FBXL13: variants seen among roughly 807,000 people sequenced by gnomAD.
FBXL13 encodes F-box and leucine-rich repeat protein 13.
A neutral mutation model predicts 83.6 loss-of-function variants in FBXL13; 67 were observed. That is an observed-to-expected ratio of 0.80 (90% CI 0.66 to 0.98). The LOEUF (loss-of-function observed/expected upper bound fraction) is 0.98, where lower values mean the gene tolerates loss of function less well. FBXL13 is among the 50% of genes least tolerant of loss of function. The pLI, the probability that FBXL13 is intolerant of heterozygous loss-of-function variation, is 0.00. For synonymous variants in FBXL13, 272 were observed against 299.5 expected (o/e 0.91, Z 0.95); for missense variants, 822 against 866.5 (o/e 0.95, Z 0.64).
rs200274905 is a variant in FBXL13 at position 102,934,579 on chromosome 7, G to A, written c.725-2646C>T. The stretch of plus-strand genomic sequence containing the variant: ...AAGAAGAAAAGGAACAATTGGACCC[G>A]AAACCCCAAGTGTCAGGGAGACCCC... On this transcript the variant is annotated intron_variant, in intron 8 of 19. Transcript: ENST00000313221. 8 of 1,613,994 alleles carry A rather than the reference G, an allele frequency of 5.0e-6. No individual in the cohort carries two copies. The East Asian group carries it at 1.1e-4, about 22-fold the overall frequency.
chr7:102,835,888 C>A (rs916495203), intron 17 of FBXL13, among the ~76,000 whole-genome samples: 1 of 152,082 alleles, frequency 6.6e-6, no homozygotes, highest in African/African-American at 2.4e-5. Flanking sequence ...GGATTACAGG[C>A]GTGAGCCACC....
At chr7:102,982,206 T>C (rs1360150603) in intron 6 of FBXL13, among the ~76,000 whole-genome samples, 1 of 152,166 alleles carries the variant, frequency 6.6e-6, no homozygotes, top group Non-Finnish European at 1.5e-5. Flanking sequence ...TTTAGTTCGA[T>C]AGAACTATCA....
chr7:102,931,857 G>A (rs751479971), intron 9 of FBXL13, 24 bp downstream of exon 10: 1 of 1,609,222 alleles, frequency 6.2e-7, no homozygotes, highest in East Asian at 2.2e-5. Context: ...ATAAACAGCA[G>A]TAAAAATGGT....
chr7:103,061,819 T>G (rs1797936230), intron 1 of FBXL13, among the ~76,000 whole-genome samples: 1 of 151,356 alleles, frequency 6.6e-6, no homozygotes, highest in Non-Finnish European at 1.5e-5. Flanking sequence ...GCGCCGGTAG[T>G]CCCAGCTACT....
intron 2 of FBXL13, among the ~76,000 whole-genome samples, chr7:103,038,717 C>A (rs1795341162): frequency 6.6e-6 from 1 of 152,214 alleles, no homozygotes; most frequent in Non-Finnish European, 1.5e-5. Context: ...AACAGACTGG[C>A]AGCTCAGGGG....
intron 19 of FBXL13, among the ~76,000 whole-genome samples, chr7:102,821,499 T>C (rs2129445567): frequency 6.6e-6 from 1 of 152,354 alleles, no homozygotes; most frequent in South Asian, 2.1e-4. Flanking sequence ...ATCTACATGC[T>C]TGAGCCACAT....
chr7:103,072,357 G>A (rs1473740142), intron 1 of FBXL13, among the ~76,000 whole-genome samples: 1 of 152,188 alleles, frequency 6.6e-6, no homozygotes, highest in Non-Finnish European at 1.5e-5. Flanking sequence ...TCCTGCTAGT[G>A]TGCTAGCAGA....
intron 11 of FBXL13, among the ~76,000 whole-genome samples, chr7:102,912,677 C>CA (rs920682270): frequency 7.3e-6 from 1 of 136,102 alleles, no homozygotes; most frequent in Non-Finnish European, 1.6e-5. Flanking sequence ...TTTTACCCCC[C>CA]CCCCCCCAAA....
Position 102,854,833 on chromosome 7 carries a change from T to C in FBXL13, c.1663A>G (p.Lys555Glu), listed in dbSNP as rs1268065709. ...TCAGATACAGAAAGTTCCTTCAATT[T>C]TTTATGTCTGGAAAGCACATTCAAA... Residue 555 changes from lysine (K) to glutamate (E), a missense_variant, in exon 17 of 20, where the codon AAA becomes GAA. By Grantham distance (56) the Lys-to-Glu change is moderately conservative. Transcript: ENST00000313221. 1.3e-5 allele frequency: 20 copies of C among 1,590,584 alleles called. No homozygotes were observed. The East Asian group carries it at 4.5e-4, about 36-fold the overall frequency.
chr7:102,887,414 T>TACATAC (rs1810940772), intron 11 of FBXL13, among the ~76,000 whole-genome samples: 1 of 148,604 alleles, frequency 6.7e-6, no homozygotes, highest in African/African-American at 2.5e-5. Context: ...TATACATACA[T>TACATAC]ACACACACAC....
chr7:102,834,169 G>A (rs1431477825), intron 17 of FBXL13, among the ~76,000 whole-genome samples: 1 of 147,110 alleles, frequency 6.8e-6, no homozygotes, highest in Non-Finnish European at 1.5e-5. Context: ...AGAAAAAGGA[G>A]GAAATTTCCT....
chr7:102,958,043 C>G (rs1824567127), intron 8 of FBXL13, among the ~76,000 whole-genome samples: 1 of 152,128 alleles, frequency 6.6e-6, no homozygotes, highest in Admixed American at 6.5e-5. Flanking sequence ...TGGGTATATA[C>G]CCAAAGGATT....
intron 11 of FBXL13, among the ~76,000 whole-genome samples, chr7:102,892,040 C>A (rs1469240490): frequency 6.6e-6 from 1 of 152,114 alleles, no homozygotes; most frequent in Admixed American, 6.5e-5. Context: ...GGTCCAAGAC[C>A]AAAATAGAGT....
chr7:102,814,503 T>G (rs1383468906), intron 19 of FBXL13: 1 of 152,250 alleles, frequency 6.6e-6, no homozygotes, highest in African/African-American at 2.4e-5. Flanking sequence ...AAATGCTATT[T>G]CAGTTAAATC....
chr7:103,039,526 A>G (rs1433348419), intron 2 of FBXL13, among the ~76,000 whole-genome samples: 1 of 152,194 alleles, frequency 6.6e-6, no homozygotes, highest in Non-Finnish European at 1.5e-5. Context: ...CATAATTGTC[A>G]GATTCACCAA....
At position 102,845,556 on chromosome 7, in the gene FBXL13, A is replaced by C. The variant is rs188347385; in HGVS notation, c.1719+9221T>G. On this transcript the variant is annotated intron_variant, in intron 17 of 19. Coordinates refer to ENST00000313221, the Ensembl canonical transcript of FBXL13. Reference sequence around the variant, plus strand: ...ACACCACCAACATTCCTGGCAGCCAAGTCAGATGCATGGACATCGTCTTTA... The same window carrying C: ...ACACCACCAACATTCCTGGCAGCCACGTCAGATGCATGGACATCGTCTTTA... Among the ~76,000 whole-genome samples, 102 of 152,300 alleles carry C rather than the reference A, an allele frequency of 6.7e-4. 1 individual carries two copies. The East Asian group carries it at 0.017, about 26-fold the overall frequency.
intron 19 of FBXL13, chr7:102,814,232 A>T (rs1797686276): frequency 6.6e-6 from 1 of 152,246 alleles, no homozygotes; most frequent in African/African-American, 2.4e-5. Context: ...GATTAGTACT[A>T]AAGAGGAGAT....
At chr7:103,035,906 T>G (rs1795018400) in intron 2 of FBXL13, among the ~76,000 whole-genome samples, 1 of 152,176 alleles carries the variant, frequency 6.6e-6, no homozygotes, top group Admixed American at 6.5e-5. Flanking sequence ...TCCCACATAG[T>G]ATCATTCTAG....
intron 8 of FBXL13, among the ~76,000 whole-genome samples, chr7:102,950,108 AAAAAAC>A (rs1336410236): frequency 6.6e-6 from 1 of 152,330 alleles, no homozygotes; most frequent in East Asian, 1.9e-4. Context: ...CTGTCTCAAA[AAAAAAC>A]AAAAACAAAA....
Sources: gnomAD v4.1 joint callset for allele counts (sites outside exome capture counted in the v4.1 genomes callset) on GRCh38, gnomAD v4.1.1 for gene constraint, MANE v1.5 for transcripts, NCBI Gene and HGNC (gene_info 2026-07-23, HGNC 2026-07-21) for gene names.